The following PASD1 variants were observed in gnomAD, a reference collection of about 807,000 sequenced individuals.
PASD1 encodes circadian clock protein PASD1.
In PASD1, 13 loss-of-function variants were observed where a neutral mutation model predicts 58.8. The observed-to-expected ratio is 0.22, with a 90% CI of 0.14 to 0.35. The LOEUF (loss-of-function observed/expected upper bound fraction) is 0.35. PASD1 is among the 10% of genes least tolerant of loss of function. The pLI, the probability that PASD1 is intolerant of heterozygous loss-of-function variation, is 1.00. For synonymous variants in PASD1, 236 were observed against 216.7 expected, an observed-to-expected ratio of 1.09 and a Z score of -0.78; for missense variants, 734 against 568.3, an observed-to-expected ratio of 1.29 and a Z score of -2.96.
chrX:151,587,531 A>G (rs1021876958), intron 1 of PASD1, among the ~76,000 whole-genome samples: 2 of 111,129 alleles, frequency 1.8e-5, no homozygotes, highest in Non-Finnish European at 3.8e-5. Flanking sequence ...CATTTTTCCT[A>G]TGCAGGTATG....
At chrX:151,591,503 T>A (rs2013247956) in intron 1 of PASD1, among the ~76,000 whole-genome samples, 1 of 111,981 alleles carries the variant, frequency 8.9e-6, no homozygotes, top group Non-Finnish European at 1.9e-5. Context: ...TTTGGAAAAA[T>A]GTACTTATGT....
chrX:151,636,999 G>A (rs1056488071), intron 8 of PASD1, among the ~76,000 whole-genome samples: 3 of 112,171 alleles, frequency 2.7e-5, no homozygotes, highest in African/African-American at 9.7e-5. Context: ...GAGTCATACA[G>A]TATGTAATCT....
At chrX:151,631,299 G>A (rs767978920) in intron 8 of PASD1, among the ~76,000 whole-genome samples, 2 of 111,763 alleles carry the variant, frequency 1.8e-5, no homozygotes, top group South Asian at 3.8e-4. Context: ...TGGTTAGGCA[G>A]TATAGCTGTA....
intron 1 of PASD1, among the ~76,000 whole-genome samples, chrX:151,596,041 A>G (rs1056485788): frequency 3.6e-5 from 4 of 111,853 alleles, no homozygotes; most frequent in Non-Finnish European, 7.5e-5. Flanking sequence ...GGCATTTCCT[A>G]TAATTTGTCC....
chrX:151,651,930 G>A (rs930849144), intron 9 of PASD1, among the ~76,000 whole-genome samples: 5 of 111,967 alleles, frequency 4.5e-5, no homozygotes, highest in African/African-American at 1.6e-4. Flanking sequence ...CCAATGAGGC[G>A]TCTACTTTTA....
chrX:151,657,449 T>C (rs895581148), intron 9 of PASD1, among the ~76,000 whole-genome samples: 1 of 111,798 alleles, frequency 8.9e-6, no homozygotes, highest in Non-Finnish European at 1.9e-5. Flanking sequence ...AGCTCCTCCT[T>C]GTACCTCTGG....
chrX:151,580,486 C>T (rs1214879882), intron 1 of PASD1, among the ~76,000 whole-genome samples: 2 of 106,824 alleles, frequency 1.9e-5, no homozygotes, highest in Admixed American at 2.0e-4. Flanking sequence ...GAACATGCTC[C>T]CTTTACATCA....
chrX:151,669,689 T>C (rs2014439378), intron 11 of PASD1, among the ~76,000 whole-genome samples: 1 of 112,004 alleles, frequency 8.9e-6, no homozygotes, highest in African/African-American at 3.2e-5. Flanking sequence ...CATAATGACC[T>C]CCAGTTCCAT....
In PASD1 at chrX:151,668,577, C is replaced by T. The variant is rs775210950; in HGVS notation, c.1072-2461C>T. On this transcript the variant is annotated intron_variant, in intron 11 of 15. Coordinates refer to ENST00000370357, the MANE Select transcript of PASD1 (RefSeq NM_173493.3). ...AACTACCATCAGAGAATACTATAAA[C>T]ACCTCTACGCAAATAAACTAGAAAA... 3.0e-3 allele frequency among the ~76,000 whole-genome samples: 339 copies of T among 111,443 alleles called. 1 individual carries two copies. Among genetic ancestry groups the T allele is most frequent in the African/African-American group, 0.01 (315 of 30,625 alleles).
chrX:151,576,145 G>A (rs1172826037), intron 1 of PASD1, among the ~76,000 whole-genome samples: 1 of 110,079 alleles, frequency 9.1e-6, no homozygotes, highest in African/African-American at 3.3e-5. Flanking sequence ...TAGGATTACA[G>A]ATGTGAGCCA....
intron 3 of PASD1, among the ~76,000 whole-genome samples, chrX:151,609,691 T>G (rs2124259670): frequency 8.9e-6 from 1 of 111,996 alleles, no homozygotes; most frequent in East Asian, 2.8e-4. Context: ...CGCATTTTGG[T>G]TATACATTCA....
chrX:151,622,960 T>A lies in PASD1; in HGVS notation c.442T>A (p.Leu148Met). Residue 148 changes from leucine to methionine, a missense_variant, in exon 7 of 16, where the codon TTG becomes ATG. Coordinates refer to ENST00000370357, the MANE Select transcript of PASD1 (RefSeq NM_173493.3). The part of the protein sequence containing the change: ...CNEFPVVFSG[L>M]FSSHLCADFA... Reference sequence around the variant, plus strand: ...AGAGTTTCCTGTGGTCTTTAGTGGCTTGTTTTCCAGCCACCTCTGTGCTGA... The same window carrying A: ...AGAGTTTCCTGTGGTCTTTAGTGGCATGTTTTCCAGCCACCTCTGTGCTGA... 8.3e-7 allele frequency: 1 copy of A among 1,209,179 alleles called. No homozygotes were observed. The highest frequency in any genetic ancestry group is 1.8e-5 in the South Asian group (1 of 56,671).
Position 151,676,002 on chromosome X carries a change from A to T in PASD1, c.2181A>T (p.Gln727His). Reference sequence around the variant, plus strand: ...GTTTCACTTTTTCCTGGCAGGTGCAAGTTTCTGAGGTAGGAGTCGAGGGAC... The same window carrying T: ...GTTTCACTTTTTCCTGGCAGGTGCATGTTTCTGAGGTAGGAGTCGAGGGAC... ...LHGQPTYHQV[Q>H]VSEVGVEGPP... The change falls in exon 16 of 16, where the codon CAA (glutamine) becomes CAT (histidine). Residue 727 changes from glutamine to histidine, a missense_variant. Transcript: ENST00000370357. 8.3e-7 allele frequency: 1 copy of T among 1,210,836 alleles called. No individual in the cohort carries two copies. The highest frequency in any genetic ancestry group is 1.1e-6 in the Non-Finnish European group (1 of 895,023).
At position 151,671,782 on chromosome X, in the gene PASD1, A is replaced by G. The variant is rs2014474576; in HGVS notation, c.1437+3A>G. On this transcript the variant is annotated splice_donor_region_variant and intron_variant, in intron 13 of 15. Transcript: ENST00000370357. The stretch of plus-strand genomic sequence containing the variant: ...AGCCTTGTGTTGCCTTCAACCAGGT[A>G]TGGAAAGGCTGTTTTAACTGTGTAT... 2.5e-6 allele frequency: 3 copies of G among 1,197,430 alleles called. No individual in the cohort carries two copies. Among genetic ancestry groups the G allele is most frequent in the Non-Finnish European group, 2.3e-6 (2 of 882,522 alleles).
At chrX:151,567,611 G>C (rs1209338016) in intron 1 of PASD1, among the ~76,000 whole-genome samples, 1 of 112,031 alleles carries the variant, frequency 8.9e-6, no homozygotes, top group Non-Finnish European at 1.9e-5. Flanking sequence ...CTGTCTGAAT[G>C]TTGATAGGCA....
chrX:151,637,201 T>C (rs1331224149), intron 8 of PASD1, among the ~76,000 whole-genome samples: 3 of 112,452 alleles, frequency 2.7e-5, no homozygotes, highest in Non-Finnish European at 5.6e-5. Context: ...GTGATAAACG[T>C]GTACAAGATT....
chrX:151,616,223 A>G (rs2013635258), intron 4 of PASD1, among the ~76,000 whole-genome samples: 1 of 111,544 alleles, frequency 9.0e-6, no homozygotes, highest in Non-Finnish European at 1.9e-5. Flanking sequence ...TATGTCAAGA[A>G]TTGGCTATGA....
At chrX:151,598,366 A>T (rs1231037163) in intron 1 of PASD1, among the ~76,000 whole-genome samples, 2 of 110,943 alleles carry the variant, frequency 1.8e-5, no homozygotes, top group Non-Finnish European at 3.8e-5. Context: ...AGAATGGCTT[A>T]GCTGTTTTTT....
At chrX:151,615,630 T>A (rs4828629) in intron 4 of PASD1, among the ~76,000 whole-genome samples, 56,511 of 110,186 alleles carry the variant, frequency 0.51, 11,517 homozygotes, top group East Asian at 0.95. Context: ...TATTATAAAA[T>A]GGAGACTGAA....
Sources: gnomAD v4.1 joint callset for allele counts (sites outside exome capture counted in the v4.1 genomes callset) on GRCh38, gnomAD v4.1.1 for gene constraint, MANE v1.5 for transcripts, NCBI Gene and HGNC (gene_info 2026-07-23, HGNC 2026-07-21) for gene names.